The following USP24 variants were observed in gnomAD, a reference collection of about 807,000 sequenced individuals.
USP24 encodes ubiquitin specific peptidase 24.
A neutral mutation model predicts 361.6 loss-of-function variants in USP24; 97 were observed. The observed-to-expected ratio is 0.27, with a 90% confidence interval of 0.23 to 0.32. The LOEUF (loss-of-function observed/expected upper bound fraction) is 0.32. Ranked by LOEUF, USP24 falls within the 10% of genes least tolerant of loss-of-function variation. The probability of loss-of-function intolerance (pLI) is 1.00; values close to 1 mark genes in which losing one functional copy is unlikely to be tolerated. For missense variants in USP24, 2,353 were observed against 3,165.6 expected, an observed-to-expected ratio of 0.74 and a Z score of 6.16; for synonymous variants, 1,098 against 1,124.6, an observed-to-expected ratio of 0.98 and a Z score of 0.47.
At chr1:55,105,928 G>C (rs985373586) in intron 41 of USP24, among the ~76,000 whole-genome samples, 1 of 151,828 alleles carries the variant, frequency 6.6e-6, no homozygotes, top group African/African-American at 2.4e-5. Context: ...TCTCCATTCT[G>C]AGGATAATAA....
rs1647105947 is a variant in USP24, at chr1:55,148,623, CATTT to C, written c.1861-57_1861-54del. 1.5e-5 allele frequency: 19 copies of C among 1,298,628 alleles called. No homozygotes were observed. In the Middle Eastern group the frequency reaches 5.6e-4, roughly 38 times the overall value. The allele number at this position is 1,298,628 out of a possible 1,614,324, so 80.4% of individuals were successfully genotyped here. ...TAAATTTAGAAATAAACAGCAGATT[CATTT>C]ATTAGCTATAAAAAATTTCAAGTCA... On this transcript the variant is annotated intron_variant, in intron 16 of 67. Transcript: ENST00000294383.
rs138307752 is a variant in USP24 at position 55,086,719 on chromosome 1, G to A, written c.6669-681C>T. 3.9e-3 allele frequency among the ~76,000 whole-genome samples: 597 copies of A among 152,228 alleles called. 5 individuals are homozygous for A. The highest frequency in any genetic ancestry group is 0.013 in the African/African-American group (543 of 41,520). ...AGATGAACTTTACCTTCAGATACAC[G>A]CTGAAAATTTATTGTGAAATGATAT... On this transcript the variant is annotated intron_variant, in intron 55 of 67. Coordinates refer to ENST00000294383, the MANE Select transcript of USP24 (RefSeq NM_015306.3).
Position 55,215,053 on chromosome 1 carries a change from C to A in USP24, c.61G>T (p.Ala21Ser). The change falls in exon 1 of 68, where the codon GCC becomes TCC. Residue 21 changes from alanine (A) to serine (S), a missense_variant. Transcript: ENST00000294383. ...AGGCGCAGGGCCTTGCGGATGGTGG[C>A]GGGGTCTGAGAAGCCCATGCACAGC... is the stretch of plus-strand genomic sequence containing the variant. The part of the protein sequence containing the change: ...TLLCMGFSDP[A>S]TIRKALRLAK... 1 of 1,464,114 alleles carries A rather than the reference C, an allele frequency of 6.8e-7. No individual in the cohort carries two copies. Among genetic ancestry groups the A allele is most frequent in the Non-Finnish European group, 9.1e-7 (1 of 1,104,970 alleles). The allele number at this position is 1,464,114 out of a possible 1,614,324, so 90.7% of individuals were successfully genotyped here.
intron 35 of USP24, among the ~76,000 whole-genome samples, chr1:55,124,000 A>C (rs1397777937): frequency 6.6e-6 from 1 of 152,182 alleles, no homozygotes; most frequent in East Asian, 1.9e-4. Context: ...TATATGTCAA[A>C]ATTTTAAAAA....
At chr1:55,205,642 T>C (rs1426874037) in intron 1 of USP24, among the ~76,000 whole-genome samples, 1 of 152,234 alleles carries the variant, frequency 6.6e-6, no homozygotes, top group Non-Finnish European at 1.5e-5. Context: ...AGTTTTTGAA[T>C]AATTTTAGAG....
intron 64 of USP24, 86 bp from the exon 65 acceptor site, chr1:55,072,947 T>C: frequency 7.7e-7 from 1 of 1,298,660 alleles, no homozygotes; most frequent in Non-Finnish European, 1.1e-6. Flanking sequence ...GCTAGTTTCA[T>C]TAAAATTCAG....
rs776641940 is a variant in USP24, at chr1:55,091,718, G to A, written c.6554+305C>T. Among the ~76,000 whole-genome samples the A allele has an allele frequency of 5.9e-5, 9 of 152,158 alleles. No homozygotes were observed. In the South Asian group the frequency reaches 8.3e-4, roughly 14 times the overall value. On this transcript the variant is annotated intron_variant, in intron 54 of 67. Coordinates refer to ENST00000294383, the MANE Select transcript of USP24 (RefSeq NM_015306.3). ...TCTGTGTTTCTCTGTTTTGCCTTTCGAAACCCTCTGAGAACATCAGTGTCT... is the reference window on the plus strand; with the variant it reads ...TCTGTGTTTCTCTGTTTTGCCTTTCAAAACCCTCTGAGAACATCAGTGTCT...
chr1:55,192,671 T>G (rs1644320186), intron 1 of USP24, among the ~76,000 whole-genome samples: 1 of 152,246 alleles, frequency 6.6e-6, no homozygotes, highest in Non-Finnish European at 1.5e-5. Context: ...TTACTAAATA[T>G]TTTTCAAAGC....
intron 10 of USP24, 26 bp from the exon 11 acceptor site, chr1:55,157,396 G>T: frequency 7.8e-7 from 1 of 1,286,702 alleles, no homozygotes; most frequent in Non-Finnish European, 1.1e-6. Context: ...TATTGTGACT[G>T]AGTCTAATAT....
chr1:55,157,996 T>C (rs1165235), intron 10 of USP24, among the ~76,000 whole-genome samples: 113,329 of 152,140 alleles, frequency 0.74, 43,498 homozygotes, highest in East Asian at 0.96. Context: ...AGACACTTCA[T>C]ATGCAGAAGG....
intron 1 of USP24, among the ~76,000 whole-genome samples, chr1:55,194,478 C>T (rs1471772403): frequency 6.6e-6 from 1 of 152,150 alleles, no homozygotes; most frequent in Non-Finnish European, 1.5e-5. Flanking sequence ...GAGCTCACAC[C>T]TGTAATCCCA....
At chr1:55,107,564 C>T (rs1645810587) in intron 39 of USP24, 134 bp from the exon 40 acceptor site, 3 of 1,088,490 alleles carry the variant, frequency 2.8e-6, no homozygotes, top group Non-Finnish European at 3.8e-6. Context: ...ATCATTAAGG[C>T]CAGGCGAGCT....
intron 5 of USP24, among the ~76,000 whole-genome samples, chr1:55,170,165 A>T (rs1185389406): frequency 1.3e-5 from 2 of 152,154 alleles, no homozygotes; most frequent in African/African-American, 2.4e-5. Flanking sequence ...ATACAAGAGT[A>T]ACAATCCCAA....
intron 19 of USP24, 58 bp downstream of exon 19, chr1:55,146,871 A>G: frequency 2.5e-6 from 4 of 1,597,400 alleles, no homozygotes. Context: ...AGACACACAG[A>G]AAAAGTGAAA....
chr1:55,162,916 C>T (rs1453816273), intron 7 of USP24, among the ~76,000 whole-genome samples: 1 of 151,880 alleles, frequency 6.6e-6, no homozygotes, highest in Non-Finnish European at 1.5e-5. Context: ...AATGTTGCAA[C>T]AGTACAGAAA....
intron 1 of USP24, among the ~76,000 whole-genome samples, chr1:55,202,875 A>G (rs1165467508): frequency 2.6e-5 from 4 of 152,208 alleles, no homozygotes; most frequent in Non-Finnish European, 4.4e-5. Flanking sequence ...CCGTCTTTAT[A>G]AACTTATGAA....
rs147981925 is a variant in USP24 at position 55,157,484 on chromosome 1, AT to A, written c.1228-115del. On this transcript the variant is annotated intron_variant, in intron 10 of 67. Transcript: ENST00000294383. Reference sequence around the variant, plus strand: ...GTGCTTCAATAACTAGCCAAAATATATCAAAGGCCAGTTATAAGAAGTTAAC... The same window carrying A: ...GTGCTTCAATAACTAGCCAAAATATACAAAGGCCAGTTATAAGAAGTTAAC... The A allele has an allele frequency of 4.2e-3, 2,401 of 573,778 alleles. 40 individuals are homozygous for A. In the African/African-American group the frequency reaches 0.042, roughly 10 times the overall value. The allele number at this position is 573,778 out of a possible 1,614,324, so 35.5% of individuals were successfully genotyped here. A position where few individuals can be genotyped will look rare whatever the true frequency, so the allele number is the denominator to read the frequency against.
chr1:55,159,204 T>C (rs1648011946), intron 9 of USP24, among the ~76,000 whole-genome samples, 168 bp from the exon 10 acceptor site: 4 of 152,138 alleles, frequency 2.6e-5, no homozygotes, highest in Non-Finnish European at 5.9e-5. Flanking sequence ...AGCACATGGG[T>C]GAGCAGTAAA....
intron 32 of USP24, among the ~76,000 whole-genome samples, chr1:55,129,076 C>T (rs745307923): frequency 6.6e-6 from 1 of 152,080 alleles, no homozygotes; most frequent in Non-Finnish European, 1.5e-5. Context: ...GTTAAACCAT[C>T]AGCTGCCTCT....
Sources: allele counts gnomAD v4.1 joint callset (sites outside exome capture counted in the v4.1 genomes callset), GRCh38; gene constraint gnomAD v4.1.1; transcripts MANE v1.5; gene names NCBI Gene and HGNC (gene_info 2026-07-23, HGNC 2026-07-21).